Variants in CALD1 observed in about 807,000 individuals in gnomAD.
The protein encoded by CALD1 is caldesmon.
In CALD1, 33 loss-of-function variants were observed where a neutral mutation model predicts 99.9. That is an observed-to-expected ratio of 0.33 (90% CI 0.25 to 0.44). The LOEUF (loss-of-function observed/expected upper bound fraction) is 0.44, where lower values mean the gene tolerates loss of function less well. CALD1 is among the 20% of genes least tolerant of loss of function. The pLI, the probability that CALD1 is intolerant of heterozygous loss-of-function variation, is 1.00. For synonymous variants in CALD1, 310 were observed against 325.0 expected, an observed-to-expected ratio of 0.95 and a Z score of 0.50; for missense variants, 861 against 962.1, an observed-to-expected ratio of 0.89 and a Z score of 1.39.
the CALD1 span, among the ~76,000 whole-genome samples, chr7:134,724,185 A>G: frequency 0.51 from 77,678 of 152,076 alleles, 20,852 homozygotes; most frequent in East Asian, 0.82. Context: ...TTCGAGTTCC[A>G]GCCCCTCACC....
chr7:134,779,623 T>C (rs1165590826), upstream of CALD1: 3 of 398,642 alleles, frequency 7.5e-6, no homozygotes, highest in Non-Finnish European at 1.3e-5. Context: ...TGGAGTTTTA[T>C]TGAATAGAGC....
intron 6 of CALD1, 152 bp downstream of exon 6, chr7:134,935,917 TAG>T: frequency 2.8e-6 from 2 of 713,596 alleles, no homozygotes; most frequent in African/African-American, 1.8e-5. Context: ...GAGATCAGCT[TAG>T]AGTGTCTCAA....
intron 3 of CALD1, among the ~76,000 whole-genome samples, chr7:134,875,462 C>T (rs1400387823): frequency 6.6e-6 from 1 of 152,182 alleles, no homozygotes; most frequent in African/African-American, 2.4e-5. Context: ...ATGGTGAAAC[C>T]CCATCTCTAC....
chr7:134,757,684 G>GGTGAATT (rs1796741310), intron 1 of CALD1, among the ~76,000 whole-genome samples: 1 of 152,042 alleles, frequency 6.6e-6, no homozygotes, highest in Admixed American at 6.5e-5. Flanking sequence ...TTCAAGACCA[G>GGTGAATT]CCTGGCCAAC....
At chr7:134,943,288 G>A (rs938214709) in intron 7 of CALD1, among the ~76,000 whole-genome samples, 4 of 151,818 alleles carry the variant, frequency 2.6e-5, no homozygotes, top group Non-Finnish European at 1.5e-5. Context: ...AGCCAAGGAC[G>A]GGGGTAGGGT....
At chr7:134,949,022 G>A (rs183238610) in intron 8 of CALD1, among the ~76,000 whole-genome samples, 9 of 152,246 alleles carry the variant, frequency 5.9e-5, no homozygotes, top group Admixed American at 5.9e-4. Context: ...GGACTACTCT[G>A]TGTCTTCTTT....
chr7:134,814,556 C>A (rs1253932010), intron 1 of CALD1, among the ~76,000 whole-genome samples: 1 of 152,124 alleles, frequency 6.6e-6, no homozygotes, highest in Non-Finnish European at 1.5e-5. Context: ...TCCCTTTCTA[C>A]TGAGGTTGAT....
At chr7:134,861,053 T>G (rs529963614) in intron 2 of CALD1, among the ~76,000 whole-genome samples, 1 of 152,304 alleles carries the variant, frequency 6.6e-6, no homozygotes, top group Admixed American at 6.5e-5. Flanking sequence ...CAGACTTAGA[T>G]ACTCAACACA....
At chr7:134,785,053 A>G (rs912326870) in intron 1 of CALD1, among the ~76,000 whole-genome samples, 4 of 152,218 alleles carry the variant, frequency 2.6e-5, no homozygotes, top group African/African-American at 9.6e-5. Flanking sequence ...CCCCTGGGCA[A>G]AGAAGAGCTC....
chr7:134,921,384 G>A (rs1234566640), intron 3 of CALD1, among the ~76,000 whole-genome samples: 1 of 152,186 alleles, frequency 6.6e-6, no homozygotes, highest in Non-Finnish European at 1.5e-5. Context: ...TTCTTAAGAT[G>A]TTAGAAACCA....
intron 9 of CALD1, among the ~76,000 whole-genome samples, chr7:134,952,250 G>A (rs1044682946): frequency 6.6e-6 from 1 of 151,946 alleles, no homozygotes; most frequent in Non-Finnish European, 1.5e-5. Flanking sequence ...ACAGTGAGCC[G>A]AGATCGTGCC....
At chr7:134,919,198 G>T (rs1804436285) in intron 3 of CALD1, among the ~76,000 whole-genome samples, 1 of 152,156 alleles carries the variant, frequency 6.6e-6, no homozygotes, top group African/African-American at 2.4e-5. Flanking sequence ...GGATCCGCCT[G>T]CCCTGGAGCA....
chr7:134,723,534 C>CTTT, the CALD1 span, among the ~76,000 whole-genome samples: 12 of 87,670 alleles, frequency 1.4e-4, no homozygotes, highest in Non-Finnish European at 2.3e-4. Flanking sequence ...GAAAAGGTAA[C>CTTT]TTTTTTTTTT....
At chr7:134,870,536 G>A (rs760314047) in intron 3 of CALD1, among the ~76,000 whole-genome samples, 3 of 152,140 alleles carry the variant, frequency 2.0e-5, no homozygotes, top group Non-Finnish European at 4.4e-5. Context: ...AGATGTAAAA[G>A]GAATGTACAC....
upstream of CALD1, among the ~76,000 whole-genome samples, chr7:134,739,524 C>A (rs1472892517): frequency 2.0e-5 from 3 of 152,138 alleles, no homozygotes; most frequent in East Asian, 5.8e-4. Context: ...AATGCACTTC[C>A]CAGCCTCCCG....
At chr7:134,748,660 A>G (rs563543507) in intron 1 of CALD1, among the ~76,000 whole-genome samples, 3 of 152,234 alleles carry the variant, frequency 2.0e-5, no homozygotes, top group East Asian at 3.9e-4. Flanking sequence ...GCAGTGAGCC[A>G]AGATTGTGCC....
At chr7:134,966,520 T>G (rs1808691869) in intron 14 of CALD1, among the ~76,000 whole-genome samples, 1 of 152,164 alleles carries the variant, frequency 6.6e-6, no homozygotes, top group African/African-American at 2.4e-5. Context: ...GATCCTCCAG[T>G]CACCATGTGA....
chr7:134,863,641 G>T (rs1016465893), intron 2 of CALD1, among the ~76,000 whole-genome samples: 8 of 152,074 alleles, frequency 5.3e-5, no homozygotes, highest in Non-Finnish European at 1.0e-4. Flanking sequence ...AGGCATCACA[G>T]GAAATATCTA....
intron 7 of CALD1, among the ~76,000 whole-genome samples, chr7:134,945,313 G>A (rs1806769461): frequency 6.6e-6 from 1 of 152,158 alleles, no homozygotes; most frequent in Non-Finnish European, 1.5e-5. Context: ...AGAAACTCTA[G>A]AGACAGAGGT....
Sources: gnomAD v4.1 joint callset for allele counts (sites outside exome capture counted in the v4.1 genomes callset) on GRCh38, gnomAD v4.1.1 for gene constraint, MANE v1.5 for transcripts, NCBI Gene and HGNC (gene_info 2026-07-23, HGNC 2026-07-21) for gene names.